Variants in PCDH15 observed in about 807,000 individuals in gnomAD.
PCDH15 encodes protocadherin-15.
In PCDH15, 129 loss-of-function variants were observed where a neutral mutation model predicts 178.5. The observed-to-expected ratio is 0.72, with a 90% CI of 0.63 to 0.84. The LOEUF is 0.84. Ranked by LOEUF, PCDH15 falls within the 40% of genes least tolerant of loss-of-function variation. The probability of loss-of-function intolerance (pLI) is 0.00; values close to 1 mark genes in which losing one functional copy is unlikely to be tolerated. For missense variants in PCDH15, 2,230 were observed against 2,099.9 expected (o/e 1.06, Z -1.21); for synonymous variants, 800 against 732.0 (o/e 1.09, Z -1.50).
intron 2 of PCDH15, among the ~76,000 whole-genome samples, chr10:54,644,047 C>T (rs1307664342): frequency 7.1e-6 from 1 of 141,590 alleles, no homozygotes; most frequent in African/African-American, 2.6e-5. Flanking sequence ...CAATTCCCAC[C>T]TATGAGTGAG....
chr10:54,443,624 A>G (rs1468128759), intron 3 of PCDH15, among the ~76,000 whole-genome samples: 7 of 151,692 alleles, frequency 4.6e-5, no homozygotes, highest in African/African-American at 1.7e-4. Flanking sequence ...ACTGACTACA[A>G]GCTCTTTCTT....
intron 29 of PCDH15, among the ~76,000 whole-genome samples, chr10:53,832,499 A>G (rs1361855539): frequency 1.3e-5 from 2 of 151,970 alleles, no homozygotes; most frequent in Non-Finnish European, 1.5e-5. Flanking sequence ...TAGTTCAAGA[A>G]AAACACAATT....
intron 1 of PCDH15, among the ~76,000 whole-genome samples, chr10:54,760,040 G>T (rs775025640): frequency 2.0e-5 from 3 of 152,088 alleles, no homozygotes; most frequent in Non-Finnish European, 4.4e-5. Context: ...CAGATACTTG[G>T]CTCATAGGGC....
intron 3 of PCDH15, among the ~76,000 whole-genome samples, chr10:54,830,950 T>G (rs2133751095): frequency 6.6e-6 from 1 of 152,094 alleles, no homozygotes; most frequent in African/African-American, 2.4e-5. Flanking sequence ...ATGGAACAGT[T>G]AACAACAAAA....
intron 1 of PCDH15, among the ~76,000 whole-genome samples, chr10:54,735,219 T>C (rs1402753890): frequency 6.6e-6 from 1 of 152,082 alleles, no homozygotes; most frequent in Non-Finnish European, 1.5e-5. Flanking sequence ...TCCATGAGGA[T>C]TTTGCTTTTG....
chr10:55,582,628 A>ATATATATATTTTT (rs780312007), intron 2 of PCDH15, among the ~76,000 whole-genome samples: 10 of 69,038 alleles, frequency 1.4e-4, no homozygotes, highest in African/African-American at 5.3e-4. Context: ...ATATATATAT[A>ATATATATATTTTT]TTTTTTTTTT....
chr10:53,983,219 GGTGTGTGTGTGTTT>G (rs2090815331), intron 21 of PCDH15, among the ~76,000 whole-genome samples: 1 of 150,824 alleles, frequency 6.6e-6, no homozygotes, highest in South Asian at 2.1e-4. Context: ...AAGTGGTTTG[GGTGTGTGTGTGTTT>G]GTGTGTGTGT....
At chr10:54,673,563 C>T (rs1169429003) in intron 1 of PCDH15, among the ~76,000 whole-genome samples, 3 of 151,930 alleles carry the variant, frequency 2.0e-5, no homozygotes, top group Admixed American at 6.6e-5. Context: ...CTCAGCCTCC[C>T]GAGTAGCTGG....
intron 1 of PCDH15, among the ~76,000 whole-genome samples, chr10:54,741,667 A>T (rs1944824268): frequency 6.6e-6 from 1 of 151,994 alleles, no homozygotes; most frequent in African/African-American, 2.4e-5. Context: ...GAATCCATTT[A>T]TTTGCCTTTT....
intron 2 of PCDH15, among the ~76,000 whole-genome samples, chr10:55,545,628 T>C (rs904148697): frequency 1.2e-4 from 18 of 151,742 alleles, no homozygotes; most frequent in African/African-American, 3.4e-4. Context: ...CCAGACTGGT[T>C]TCAAACTCCT....
intron 1 of PCDH15, chr10:55,247,828 G>A (rs1437052824): frequency 6.7e-5 from 10 of 149,610 alleles, no homozygotes; most frequent in Non-Finnish European, 1.0e-4. Flanking sequence ...TTGAGCCACG[G>A]ATATCGTACT....
intron 2 of PCDH15, among the ~76,000 whole-genome samples, chr10:55,460,431 C>A (rs1390159124): frequency 6.6e-6 from 1 of 151,882 alleles, no homozygotes; most frequent in African/African-American, 2.4e-5. Context: ...TTATTTGTTT[C>A]ATTTTGGGTG....
intron 18 of PCDH15, among the ~76,000 whole-genome samples, 155 bp from the exon 19 acceptor site, chr10:54,023,352 A>G (rs894736699): frequency 1.3e-5 from 2 of 152,020 alleles, no homozygotes; most frequent in Admixed American, 1.3e-4. Context: ...TGCAAAATTT[A>G]AAACATGAAA....
At chr10:55,579,847 T>G (rs545758769) in intron 2 of PCDH15, among the ~76,000 whole-genome samples, 3 of 152,088 alleles carry the variant, frequency 2.0e-5, no homozygotes, top group African/African-American at 7.2e-5. Context: ...TGTTTTTTGT[T>G]GTTTTTGTTT....
At chr10:54,958,115 CTT>C (rs575343696) in intron 2 of PCDH15, among the ~76,000 whole-genome samples, 57 of 151,940 alleles carry the variant, frequency 3.8e-4, no homozygotes, top group Middle Eastern at 6.8e-3. Context: ...TTCTCTAAAA[CTT>C]TACCGTTTTT....
chr10:55,509,581 C>T (rs1840834208), intron 2 of PCDH15, among the ~76,000 whole-genome samples: 1 of 151,788 alleles, frequency 6.6e-6, no homozygotes. Flanking sequence ...ATACGGCTGT[C>T]CCATTAAATT....
intron 2 of PCDH15, among the ~76,000 whole-genome samples, chr10:55,529,392 A>G (rs546785806): frequency 6.6e-6 from 1 of 151,870 alleles, no homozygotes; most frequent in African/African-American, 2.4e-5. Context: ...TCCATCTTGA[A>G]TTAATTTTTG....
intron 3 of PCDH15, among the ~76,000 whole-genome samples, chr10:54,874,351 T>G (rs950723672): frequency 1.3e-5 from 2 of 148,702 alleles, no homozygotes; most frequent in African/African-American, 2.5e-5. Context: ...ATGTGCCACA[T>G]TTTCTTAATC....
chr10:55,366,314 T>A (rs949171583), intron 2 of PCDH15: 3 of 152,128 alleles, frequency 2.0e-5, no homozygotes, highest in African/African-American at 4.8e-5. Context: ...ATAAGACCAA[T>A]AAAGTAAAAC....
Sources: allele counts gnomAD v4.1 joint callset (sites outside exome capture counted in the v4.1 genomes callset), GRCh38; gene constraint gnomAD v4.1.1; transcripts MANE v1.5; gene names NCBI Gene and HGNC (gene_info 2026-07-23, HGNC 2026-07-21).